CDKL4: variants seen among roughly 807,000 people sequenced by gnomAD.
CDKL4 encodes cyclin-dependent kinase-like 4.
A neutral mutation model predicts 42.0 loss-of-function variants in CDKL4; 44 were observed. That is an observed-to-expected ratio of 1.05 (90% CI 0.82 to 1.35). The LOEUF is 1.35. Ranked by LOEUF, CDKL4 falls within the 40% of genes most tolerant of loss-of-function variation. CDKL4 has a pLI of 0.00. For synonymous variants in CDKL4, 120 were observed against 121.6 expected (o/e 0.99, Z 0.09); for missense variants, 393 against 369.9 (o/e 1.06, Z -0.51).
intron 5 of CDKL4, among the ~76,000 whole-genome samples, chr2:39,202,238 C>CAAACAAAACAAAACA (rs58302117): frequency 2.0e-5 from 3 of 148,794 alleles, no homozygotes; most frequent in Admixed American, 6.7e-5. Flanking sequence ...GACACTGTCT[C>CAAACAAAACAAAACA]AAACAAAACA....
intron 1 of CDKL4, among the ~76,000 whole-genome samples, chr2:39,233,145 A>G (rs1165601238): frequency 6.6e-6 from 1 of 151,928 alleles, no homozygotes; most frequent in Non-Finnish European, 1.5e-5. Context: ...CCTTGGCAGA[A>G]CGCAAAGATA....
At chr2:39,171,844 T>G (rs920143109), downstream of CDKL4, among the ~76,000 whole-genome samples, 9 of 152,070 alleles carry the variant, frequency 5.9e-5, no homozygotes, top group African/African-American at 2.2e-4. Flanking sequence ...GGCGCAGTAT[T>G]TGGACAGCAT....
Position 39,179,335 on chromosome 2 carries a change from G to A in CDKL4, c.793-14C>T. 2 of 1,571,290 alleles carry A rather than the reference G, an allele frequency of 1.3e-6. No individual in the cohort carries two copies. The highest frequency in any genetic ancestry group is 1.7e-6 in the Non-Finnish European group (2 of 1,164,332). ...CTTCAGACACCCCTTTGGAGGAAGA[G>A]AATAGCAAAGAAGATGTTAAGGGAG... is the stretch of plus-strand genomic sequence containing the variant. On this transcript the variant is annotated splice_polypyrimidine_tract_variant and intron_variant, in intron 8 of 9. Coordinates refer to ENST00000451199, the Ensembl canonical transcript of CDKL4.
chr2:39,185,509 G>C (rs1035096595), intron 7 of CDKL4, among the ~76,000 whole-genome samples: 1 of 145,942 alleles, frequency 6.9e-6, no homozygotes, highest in African/African-American at 2.5e-5. Context: ...GCCCAGGCTG[G>C]AGTGCAGTGG....
chr2:39,198,194 T>C (rs907542945), intron 5 of CDKL4, among the ~76,000 whole-genome samples: 5 of 150,624 alleles, frequency 3.3e-5, no homozygotes, highest in Admixed American at 1.3e-4. Context: ...GCTATTCTCA[T>C]ATCAGACAAA....
intron 1 of CDKL4, among the ~76,000 whole-genome samples, chr2:39,234,672 A>G (rs1348607544): frequency 2.6e-5 from 4 of 152,234 alleles, no homozygotes; most frequent in Non-Finnish European, 4.4e-5. Flanking sequence ...TTTGAATAAA[A>G]CAATCAAAGA....
chr2:39,205,515 C>A (rs1190499992), intron 4 of CDKL4, among the ~76,000 whole-genome samples: 1 of 151,582 alleles, frequency 6.6e-6, no homozygotes, highest in Non-Finnish European at 1.5e-5. Context: ...TAATCCAGCA[C>A]TTTGGGAGGC....
At chr2:39,215,233 CTAA>C (rs1677843431) in intron 3 of CDKL4, among the ~76,000 whole-genome samples, 1 of 152,040 alleles carries the variant, frequency 6.6e-6, no homozygotes, top group Admixed American at 6.6e-5. Context: ...TTGCATTTTA[CTAA>C]TGTTTAGTGA....
At chr2:39,215,928 C>G (rs867558347) in intron 3 of CDKL4, among the ~76,000 whole-genome samples, 1 of 152,294 alleles carries the variant, frequency 6.6e-6, no homozygotes, top group South Asian at 2.1e-4. Flanking sequence ...ATTTCCAGCA[C>G]TGAATACTGA....
At chr2:39,244,903 T>A (rs971877918), upstream of CDKL4, among the ~76,000 whole-genome samples, 2 of 152,086 alleles carry the variant, frequency 1.3e-5, no homozygotes, top group Non-Finnish European at 2.9e-5. Context: ...ATCTAGCTGC[T>A]CTGGTGGGGC....
downstream of CDKL4, among the ~76,000 whole-genome samples, chr2:39,170,877 G>A (rs1363920369): frequency 6.6e-6 from 1 of 152,056 alleles, no homozygotes; most frequent in Admixed American, 6.6e-5. Flanking sequence ...GAAATCAATG[G>A]TGGTGACAAA....
intron 1 of CDKL4, among the ~76,000 whole-genome samples, chr2:39,236,990 A>G (rs1357472866): frequency 1.3e-5 from 2 of 152,246 alleles, no homozygotes; most frequent in Non-Finnish European, 2.9e-5. Context: ...AATCCTTTGC[A>G]AACTATTTGA....
intron 1 of CDKL4, among the ~76,000 whole-genome samples, chr2:39,238,069 G>T (rs1225070622): frequency 1.3e-5 from 2 of 152,136 alleles, no homozygotes; most frequent in Non-Finnish European, 1.5e-5. Flanking sequence ...CTAAATAAAA[G>T]GAGAAAAATG....
At chr2:39,187,987 G>C (rs1675931277) in intron 6 of CDKL4, among the ~76,000 whole-genome samples, 1 of 152,002 alleles carries the variant, frequency 6.6e-6, no homozygotes, top group Non-Finnish European at 1.5e-5. Context: ...AGAATCGCTT[G>C]AACCTGGGAG....
At chr2:39,169,995 C>T in the CDKL4 span, among the ~76,000 whole-genome samples, 1 of 152,032 alleles carries the variant, frequency 6.6e-6, no homozygotes, top group African/African-American at 2.4e-5. Flanking sequence ...TTCAGCCTCC[C>T]AAGTACAGGC....
At chr2:39,231,458 G>A (rs1430049584) in intron 1 of CDKL4, among the ~76,000 whole-genome samples, 1 of 152,084 alleles carries the variant, frequency 6.6e-6, no homozygotes, top group African/African-American at 2.4e-5. Flanking sequence ...ATATACAATG[G>A]AGAAAAATGT....
At chr2:39,209,835 G>A (rs949153523) in intron 4 of CDKL4, among the ~76,000 whole-genome samples, 1 of 152,048 alleles carries the variant, frequency 6.6e-6, no homozygotes, top group East Asian at 1.9e-4. Flanking sequence ...GAGTATAAAG[G>A]TTTTAGTTGT....
chr2:39,180,842 C>T (rs1288166647), intron 8 of CDKL4, among the ~76,000 whole-genome samples: 1 of 152,132 alleles, frequency 6.6e-6, no homozygotes, highest in African/African-American at 2.4e-5. Flanking sequence ...AGGCATGCAC[C>T]ACCATGCTGA....
intron 5 of CDKL4, among the ~76,000 whole-genome samples, chr2:39,200,769 T>C (rs952363530): frequency 6.6e-6 from 1 of 152,074 alleles, no homozygotes; most frequent in African/African-American, 2.4e-5. Context: ...ATGGTGCTGG[T>C]ATAATTGGCA....
Sources: allele counts gnomAD v4.1 joint callset (sites outside exome capture counted in the v4.1 genomes callset), GRCh38; gene constraint gnomAD v4.1.1; transcripts MANE v1.5; gene names NCBI Gene and HGNC (gene_info 2026-07-23, HGNC 2026-07-21).